Variants in TENM2 observed in about 807,000 individuals in gnomAD.
The protein encoded by TENM2 is teneurin transmembrane protein 2, also known as teneurin-2.
In TENM2, 52 loss-of-function variants were observed where a neutral mutation model predicts 245.2. That is an observed-to-expected ratio of 0.21 (90% CI 0.17 to 0.27). TENM2 has a LOEUF of 0.27. Ranked by LOEUF, TENM2 falls within the 10% of genes least tolerant of loss-of-function variation. The pLI is 1.00. For missense variants in TENM2, 3,046 were observed against 3,666.8 expected, an observed-to-expected ratio of 0.83 and a Z score of 4.37; for synonymous variants, 1,363 against 1,438.9, an observed-to-expected ratio of 0.95 and a Z score of 1.19.
chr5:168,053,997 A>G (rs554044545), intron 6 of TENM2, among the ~76,000 whole-genome samples: 1 of 152,356 alleles, frequency 6.6e-6, no homozygotes, highest in South Asian at 2.1e-4. Context: ...GCCACTCAAT[A>G]AATTTTAGCT....
chr5:167,571,896 G>T (rs1488483067), intron 2 of TENM2, among the ~76,000 whole-genome samples: 1 of 152,172 alleles, frequency 6.6e-6, no homozygotes, highest in African/African-American at 2.4e-5. Context: ...AAAGGAGGCT[G>T]CTTCCAATAC....
chr5:168,092,906 C>T (rs1793061340), intron 8 of TENM2, among the ~76,000 whole-genome samples: 1 of 152,178 alleles, frequency 6.6e-6, no homozygotes, highest in African/African-American at 2.4e-5. Context: ...GGTATGCTAG[C>T]CCCAGTATTA....
At chr5:168,249,147 G>C (rs1370764430) in intron 27 of TENM2, among the ~76,000 whole-genome samples, 3 of 150,018 alleles carry the variant, frequency 2.0e-5, no homozygotes, top group African/African-American at 7.3e-5. Context: ...AAAAGTAAAT[G>C]AACTTGTGTA....
intron 2 of TENM2, among the ~76,000 whole-genome samples, chr5:167,447,186 C>T (rs935505430): frequency 1.3e-5 from 2 of 152,212 alleles, no homozygotes; most frequent in African/African-American, 4.8e-5. Context: ...GAGCCTCCCT[C>T]AGCCTCAATT....
intron 1 of TENM2, among the ~76,000 whole-genome samples, chr5:167,346,253 G>T (rs1758451376): frequency 6.6e-6 from 1 of 152,092 alleles, no homozygotes; most frequent in South Asian, 2.1e-4. Context: ...ATTACATTAT[G>T]GTTAGTTAAT....
chr5:168,081,299 C>A (rs552110262), intron 7 of TENM2, among the ~76,000 whole-genome samples: 6 of 152,082 alleles, frequency 3.9e-5, no homozygotes, highest in African/African-American at 9.7e-5. Context: ...ATCTTCCTCC[C>A]TCCCTTTATT....
At chr5:168,052,057 C>T (rs903193734) in intron 6 of TENM2, among the ~76,000 whole-genome samples, 4 of 151,460 alleles carry the variant, frequency 2.6e-5, no homozygotes, top group South Asian at 2.1e-4. Context: ...GCCAGGAGGT[C>T]GAGACCAGCC....
At chr5:167,440,984 T>A (rs932187779) in intron 2 of TENM2, among the ~76,000 whole-genome samples, 5 of 152,136 alleles carry the variant, frequency 3.3e-5, no homozygotes, top group Admixed American at 6.6e-5. Flanking sequence ...TGTTCCAAAC[T>A]GCTATTTGCT....
At chr5:167,773,309 G>A (rs1216637340) in intron 2 of TENM2, among the ~76,000 whole-genome samples, 2 of 152,160 alleles carry the variant, frequency 1.3e-5, no homozygotes, top group Admixed American at 1.3e-4. Context: ...AAACATCCCT[G>A]TATCCATCCT....
At chr5:167,085,623 G>A in the TENM2 span, among the ~76,000 whole-genome samples, 6 of 152,132 alleles carry the variant, frequency 3.9e-5, no homozygotes, top group East Asian at 1.9e-4. Flanking sequence ...TTCATAGCAA[G>A]CATTTTTATA....
At chr5:167,771,056 A>T (rs1415692441) in intron 2 of TENM2, among the ~76,000 whole-genome samples, 1 of 152,122 alleles carries the variant, frequency 6.6e-6, no homozygotes, top group Non-Finnish European at 1.5e-5. Flanking sequence ...GAAGAGAATA[A>T]AAGAAGAAAG....
At chr5:167,410,732 TATTTAAGGTAGAGATTGACC>T (rs1444742696) in intron 2 of TENM2, among the ~76,000 whole-genome samples, 1 of 152,070 alleles carries the variant, frequency 6.6e-6, no homozygotes, top group African/African-American at 2.4e-5. Flanking sequence ...TCTTATGTAT[TATTTAAGGTAGAGATTGACC>T]ATGGGCATAG....
chr5:168,045,657 C>T (rs560083525), intron 5 of TENM2, among the ~76,000 whole-genome samples: 15 of 152,284 alleles, frequency 9.9e-5, no homozygotes, highest in Admixed American at 3.3e-4. Flanking sequence ...TTGAAAGAAC[C>T]GCACCTCCAG....
chr5:167,321,789 T>TA (rs1561861124), intron 1 of TENM2, among the ~76,000 whole-genome samples: 18 of 36,542 alleles, frequency 4.9e-4, no homozygotes, highest in African/African-American at 1.7e-3. Flanking sequence ...TGGCTTATTT[T>TA]TTTTTTTTTT....
At chr5:167,514,973 T>G (rs1215341839) in intron 2 of TENM2, among the ~76,000 whole-genome samples, 2 of 152,054 alleles carry the variant, frequency 1.3e-5, no homozygotes, top group African/African-American at 4.8e-5. Context: ...ATCAAGCCAT[T>G]GCACTCCAGC....
At chr5:168,078,344 G>C (rs1442984290) in intron 7 of TENM2, among the ~76,000 whole-genome samples, 7 of 151,984 alleles carry the variant, frequency 4.6e-5, no homozygotes, top group Non-Finnish European at 8.8e-5. Context: ...TTTTCAGATG[G>C]GTAGACTGTA....
chr5:167,722,834 A>G (rs928787568), intron 2 of TENM2, among the ~76,000 whole-genome samples: 7 of 152,174 alleles, frequency 4.6e-5, no homozygotes, highest in African/African-American at 1.4e-4. Flanking sequence ...AAGTTCTCAA[A>G]TATGTTTCTA....
chr5:167,968,305 C>T (rs1231292416), intron 4 of TENM2, among the ~76,000 whole-genome samples: 2 of 152,156 alleles, frequency 1.3e-5, no homozygotes, highest in South Asian at 2.1e-4. Context: ...CCCTCAAAAT[C>T]GTGTATTTTT....
intron 2 of TENM2, among the ~76,000 whole-genome samples, chr5:167,494,297 G>A (rs1768640016): frequency 6.6e-6 from 1 of 151,964 alleles, no homozygotes; most frequent in Non-Finnish European, 1.5e-5. Flanking sequence ...ACTGATAGAA[G>A]AAAAGGTGTA....
Sources: gnomAD v4.1 joint callset for allele counts (sites outside exome capture counted in the v4.1 genomes callset) on GRCh38, gnomAD v4.1.1 for gene constraint, MANE v1.5 for transcripts, NCBI Gene and HGNC (gene_info 2026-07-23, HGNC 2026-07-21) for gene names.